Variants in TRHDE observed in about 807,000 individuals in gnomAD.
The protein encoded by TRHDE is thyrotropin-releasing hormone-degrading ectoenzyme.
Under a neutral mutation model 125.7 loss-of-function variants are expected in TRHDE, and 72 were observed. That is an observed-to-expected ratio of 0.57 (90% CI 0.47 to 0.70). The LOEUF (loss-of-function observed/expected upper bound fraction) is 0.70, where lower values mean the gene tolerates loss of function less well. TRHDE is among the 30% of genes least tolerant of loss of function. TRHDE has a pLI of 0.00. For synonymous variants in TRHDE, 509 were observed against 509.1 expected (o/e 1.00, Z 0.00); for missense variants, 1,110 against 1,327.1 (o/e 0.84, Z 2.54).
At chr12:72,408,420 T>A (rs1216873788) in intron 3 of TRHDE, among the ~76,000 whole-genome samples, 7 of 152,188 alleles carry the variant, frequency 4.6e-5, no homozygotes, top group Admixed American at 4.6e-4. Flanking sequence ...TAAATTAAAA[T>A]GTTTTTTGCA....
intron 9 of TRHDE, among the ~76,000 whole-genome samples, chr12:72,565,797 T>C (rs1194268582): frequency 6.6e-6 from 1 of 152,154 alleles, no homozygotes; most frequent in Non-Finnish European, 1.5e-5. Flanking sequence ...AAAAGTTGCT[T>C]TATTATAACA....
At chr12:72,591,130 A>G (rs1053414756) in intron 12 of TRHDE, among the ~76,000 whole-genome samples, 1 of 152,154 alleles carries the variant, frequency 6.6e-6, no homozygotes, top group South Asian at 2.1e-4. Flanking sequence ...ATTAAATCTT[A>G]TGAGACTTAT....
At chr12:72,468,067 C>G (rs1372808565) in intron 3 of TRHDE, among the ~76,000 whole-genome samples, 2 of 152,128 alleles carry the variant, frequency 1.3e-5, no homozygotes, top group African/African-American at 4.8e-5. Context: ...ATCCTTTTCC[C>G]CTCCATTCTT....
intron 2 of TRHDE, among the ~76,000 whole-genome samples, chr12:72,166,992 A>T (rs1592466913): frequency 6.6e-6 from 1 of 151,572 alleles, no homozygotes; most frequent in East Asian, 1.9e-4. Flanking sequence ...AGGGTTGGAA[A>T]GATTTGAGGA....
chr12:72,100,648 CT>C (rs1875046164), intron 1 of TRHDE, among the ~76,000 whole-genome samples: 1 of 152,150 alleles, frequency 6.6e-6, no homozygotes, highest in Admixed American at 6.5e-5. Context: ...TTGCTGCTTG[CT>C]AGTCCCTTTG....
chr12:72,571,149 A>G (rs1468529707), intron 10 of TRHDE, among the ~76,000 whole-genome samples: 1 of 152,182 alleles, frequency 6.6e-6, no homozygotes, highest in Non-Finnish European at 1.5e-5. Flanking sequence ...GCAAACAAAA[A>G]TTAGGAAAAA....
chr12:72,305,349 G>T lies in TRHDE; in HGVS notation c.1188+18395G>T, dbSNP rs141985502. ...ATGGATTACTAAATCCCACTAAAAGGCTCCAGCCTAAGTCATTATGGACAA... is the reference window on the plus strand; with the variant it reads ...ATGGATTACTAAATCCCACTAAAAGTCTCCAGCCTAAGTCATTATGGACAA... On this transcript the variant is annotated intron_variant, in intron 2 of 18. Coordinates refer to ENST00000261180, the MANE Select transcript of TRHDE (RefSeq NM_013381.3). Among the ~76,000 whole-genome samples the T allele has an allele frequency of 4.9e-3, 739 of 152,180 alleles. 5 individuals carry two copies. The highest frequency in any genetic ancestry group is 0.016 in the African/African-American group (678 of 41,532).
At chr12:72,131,135 G>A (rs1046349832) in intron 2 of TRHDE, among the ~76,000 whole-genome samples, 1 of 143,774 alleles carries the variant, frequency 7.0e-6, no homozygotes, top group African/African-American at 2.6e-5. Flanking sequence ...GCAGTGGCGC[G>A]ATTTCGACTC....
chr12:72,552,835 T>G (rs1869741485), intron 7 of TRHDE, among the ~76,000 whole-genome samples: 1 of 152,086 alleles, frequency 6.6e-6, no homozygotes, highest in Non-Finnish European at 1.5e-5. Context: ...AGGAAGATTT[T>G]TGTTTTATTT....
chr12:72,364,349 C>T (rs563476418), intron 2 of TRHDE, among the ~76,000 whole-genome samples: 54 of 152,094 alleles, frequency 3.6e-4, no homozygotes, highest in African/African-American at 9.9e-4. Flanking sequence ...TATTTTTCCT[C>T]GAATAATACC....
chr12:72,138,355 C>CAG (rs201741319), intron 2 of TRHDE, among the ~76,000 whole-genome samples: 5,365 of 152,044 alleles, frequency 0.035, 163 homozygotes, highest in African/African-American at 0.086. Context: ...AGCCTGGTGA[C>CAG]AGCAAGACTC....
chr12:72,092,186 C>T (rs1316641110), intron 1 of TRHDE, among the ~76,000 whole-genome samples: 1 of 152,172 alleles, frequency 6.6e-6, no homozygotes, highest in African/African-American at 2.4e-5. Flanking sequence ...ATGTAAGAAT[C>T]TATGCATCTG....
chr12:72,103,053 C>G (rs761104327), intron 1 of TRHDE, among the ~76,000 whole-genome samples: 5 of 152,220 alleles, frequency 3.3e-5, no homozygotes, highest in Non-Finnish European at 7.3e-5. Flanking sequence ...TTTTTCTACT[C>G]AATCCTACTT....
intron 7 of TRHDE, among the ~76,000 whole-genome samples, chr12:72,546,551 T>A (rs1247055247): frequency 6.6e-6 from 1 of 151,650 alleles, no homozygotes; most frequent in Non-Finnish European, 1.5e-5. Context: ...TCATTATTAA[T>A]GACATTACCT....
At chr12:72,222,394 A>G (rs1878018994) in intron 2 of TRHDE, among the ~76,000 whole-genome samples, 1 of 152,024 alleles carries the variant, frequency 6.6e-6, no homozygotes, top group Non-Finnish European at 1.5e-5. Context: ...TATCTGAGGG[A>G]AAGTCTCCTC....
At chr12:72,401,110 GAA>G (rs1873025148) in intron 3 of TRHDE, among the ~76,000 whole-genome samples, 1 of 152,130 alleles carries the variant, frequency 6.6e-6, no homozygotes, top group Non-Finnish European at 1.5e-5. Context: ...AAAAATGAGA[GAA>G]TGATTTTTAA....
chr12:72,228,089 T>C (rs913046006), intron 2 of TRHDE, among the ~76,000 whole-genome samples: 1 of 152,150 alleles, frequency 6.6e-6, no homozygotes, highest in South Asian at 2.1e-4. Context: ...CATGACAGTG[T>C]CCCTCTTCTT....
At chr12:72,372,868 TG>T (rs1871675421) in intron 2 of TRHDE, among the ~76,000 whole-genome samples, 1 of 152,248 alleles carries the variant, frequency 6.6e-6, no homozygotes, top group African/African-American at 2.4e-5. Context: ...GACTTGGCGA[TG>T]TGGGCTCTTT....
At chr12:72,202,476 T>C (rs1877579389) in intron 2 of TRHDE, among the ~76,000 whole-genome samples, 1 of 152,236 alleles carries the variant, frequency 6.6e-6, no homozygotes, top group South Asian at 2.1e-4. Flanking sequence ...AAACACTATT[T>C]TCCTATTTCT....
Sources: allele counts gnomAD v4.1 joint callset (sites outside exome capture counted in the v4.1 genomes callset), GRCh38; gene constraint gnomAD v4.1.1; transcripts MANE v1.5; gene names NCBI Gene and HGNC (gene_info 2026-07-23, HGNC 2026-07-21).